ADAMTS20: variants seen among roughly 807,000 people sequenced by gnomAD.
ADAMTS20 encodes ADAM metallopeptidase with thrombospondin type 1 motif 20.
Under a neutral mutation model 260.1 loss-of-function variants are expected in ADAMTS20, and 225 were observed. The ratio of observed to expected loss-of-function variants is 0.87; its 90% CI spans 0.78 to 0.97. ADAMTS20 has a LOEUF of 0.97. ADAMTS20 is among the 50% of genes least tolerant of loss of function. ADAMTS20 has a pLI of 0.00. For missense variants in ADAMTS20, 2,400 were observed against 2,337.7 expected (o/e 1.03, Z -0.55); for synonymous variants, 802 against 769.5 (o/e 1.04, Z -0.70).
chr12:43,482,351 C>T lies in ADAMTS20; in HGVS notation c.1117+8044G>A, dbSNP rs991611307. Among the ~76,000 whole-genome samples the T allele has an allele frequency of 5.9e-5, 9 of 152,112 alleles. No individual in the cohort carries two copies. In the East Asian group the frequency reaches 7.7e-4, roughly 13 times the overall value. The stretch of plus-strand genomic sequence containing the variant: ...CATGGGCAGACAGGAAAGGGTGTGG[C>T]GTGAAAGTCACTCCATCTCCATAGG... On this transcript the variant is annotated intron_variant, in intron 7 of 38. Transcript: ENST00000389420.
intron 2 of ADAMTS20, among the ~76,000 whole-genome samples, chr12:43,543,041 C>T (rs1019960793): frequency 2.0e-5 from 3 of 152,054 alleles, no homozygotes; most frequent in African/African-American, 4.8e-5. Flanking sequence ...GGCTCATGCC[C>T]GTAATCCCAA....
chr12:43,487,551 A>C (rs1942541863), intron 7 of ADAMTS20, among the ~76,000 whole-genome samples: 1 of 151,652 alleles, frequency 6.6e-6, no homozygotes, highest in African/African-American at 2.4e-5. Context: ...ATGTAACCAA[A>C]AACCACTTGT....
At chr12:43,390,460 C>A (rs1940573779) in intron 29 of ADAMTS20, among the ~76,000 whole-genome samples, 1 of 152,140 alleles carries the variant, frequency 6.6e-6, no homozygotes, top group African/African-American at 2.4e-5. Context: ...ACAACTCCAT[C>A]TTTGTATCAT....
At chr12:43,357,433 G>C (rs558802102) in intron 37 of ADAMTS20, among the ~76,000 whole-genome samples, 76 of 152,182 alleles carry the variant, frequency 5.0e-4, no homozygotes, top group African/African-American at 1.6e-3. Flanking sequence ...ATATTATCTT[G>C]TCATAAAAGC....
intron 31 of ADAMTS20, among the ~76,000 whole-genome samples, chr12:43,381,265 G>T (rs772548431): frequency 3.3e-5 from 5 of 151,970 alleles, no homozygotes; most frequent in Non-Finnish European, 7.4e-5. Context: ...AGCCTACAAA[G>T]AAAACATAGA....
chr12:43,390,605 T>C (rs574383508), intron 29 of ADAMTS20, among the ~76,000 whole-genome samples: 69 of 152,344 alleles, frequency 4.5e-4, no homozygotes, highest in Non-Finnish European at 7.8e-4. Context: ...CACTGGAACA[T>C]GAGTACAGTT....
At chr12:43,480,135 T>C (rs1204311970) in intron 7 of ADAMTS20, among the ~76,000 whole-genome samples, 1 of 152,168 alleles carries the variant, frequency 6.6e-6, no homozygotes, top group Admixed American at 6.5e-5. Flanking sequence ...CATAAATGGT[T>C]AACCTTCCGC....
At chr12:43,459,018 G>A (rs1433361132) in intron 11 of ADAMTS20, among the ~76,000 whole-genome samples, 3 of 152,158 alleles carry the variant, frequency 2.0e-5, no homozygotes, top group South Asian at 2.1e-4. Context: ...ACAATGATCC[G>A]GATATAAACC....
intron 4 of ADAMTS20, among the ~76,000 whole-genome samples, chr12:43,493,776 G>A (rs1307887408): frequency 2.0e-5 from 3 of 152,024 alleles, no homozygotes; most frequent in African/African-American, 7.2e-5. Flanking sequence ...CTAATCTTTC[G>A]GCCACAGTTG....
At chr12:43,524,735 C>G (rs1943118511) in intron 3 of ADAMTS20, among the ~76,000 whole-genome samples, 1 of 152,146 alleles carries the variant, frequency 6.6e-6, no homozygotes, top group South Asian at 2.1e-4. Context: ...CTTTCAACAG[C>G]AGACTAGAAC....
At chr12:43,417,797 A>G (rs113187956) in intron 28 of ADAMTS20, among the ~76,000 whole-genome samples, 1 of 152,338 alleles carries the variant, frequency 6.6e-6, no homozygotes, top group African/African-American at 2.4e-5. Context: ...ACATGGGGCT[A>G]TATGTCAGTC....
chr12:43,439,996 A>G lies in ADAMTS20; in HGVS notation c.2364T>C (p.Asn788=). Residue 788 remains asparagine (N), a synonymous_variant, in exon 17 of 39, where the codon AAT becomes AAC. Coordinates refer to ENST00000389420, the MANE Select transcript of ADAMTS20 (RefSeq NM_025003.5). ...FLLSTSKKEI[N]VQGTRTVIEY... ...CAATAACAGTTCTTGTTCCTTGCACATTGATTTCTTTTTTTGACGTACTTA... is the reference window on the plus strand; with the variant it reads ...CAATAACAGTTCTTGTTCCTTGCACGTTGATTTCTTTTTTTGACGTACTTA... 1 of 1,587,106 alleles carries G rather than the reference A, an allele frequency of 6.3e-7. No homozygotes were observed. The highest frequency in any genetic ancestry group is 8.6e-7 in the Non-Finnish European group (1 of 1,164,716).
At chr12:43,398,686 A>G (rs1398337581) in intron 29 of ADAMTS20, among the ~76,000 whole-genome samples, 2 of 152,150 alleles carry the variant, frequency 1.3e-5, no homozygotes, top group Non-Finnish European at 2.9e-5. Flanking sequence ...ATTCAGTAAC[A>G]AAATTTCTTG....
At chr12:43,415,910 A>G (rs1941121136) in intron 28 of ADAMTS20, among the ~76,000 whole-genome samples, 1 of 152,210 alleles carries the variant, frequency 6.6e-6, no homozygotes, top group Admixed American at 6.5e-5. Flanking sequence ...TGGGCCCTTC[A>G]CACTGCAATG....
chr12:43,481,659 G>T (rs1942443694), intron 7 of ADAMTS20, among the ~76,000 whole-genome samples: 1 of 152,142 alleles, frequency 6.6e-6, no homozygotes, highest in Non-Finnish European at 1.5e-5. Context: ...CAAATAATCT[G>T]TTGCATTTCT....
intron 21 of ADAMTS20, 79 bp from the exon 22 acceptor site, chr12:43,431,575 T>G (rs1565695048): frequency 1.3e-6 from 2 of 1,505,028 alleles, no homozygotes; most frequent in East Asian, 2.3e-5. Flanking sequence ...ATGATCAATT[T>G]GCATATAGAA....
At chr12:43,500,718 A>C (rs949082059) in intron 4 of ADAMTS20, among the ~76,000 whole-genome samples, 2 of 150,938 alleles carry the variant, frequency 1.3e-5, no homozygotes, top group Non-Finnish European at 2.9e-5. Flanking sequence ...TATTACTTTT[A>C]TTAATACTTT....
rs370183028 is a variant in ADAMTS20, at chr12:43,377,360, C to T, written c.4995+5G>A. 62 of 1,606,534 alleles carry T rather than the reference C, an allele frequency of 3.9e-5. No homozygotes were observed. Among genetic ancestry groups the T allele is most frequent in the Middle Eastern group, 1.6e-4 (1 of 6,068 alleles). On this transcript the variant is annotated splice_donor_5th_base_variant and intron_variant, in intron 32 of 38. Coordinates refer to ENST00000389420, the MANE Select transcript of ADAMTS20 (RefSeq NM_025003.5). ...AAGTTTTAAAATTCATAATTGTACACCGACCTTGCTCCATTTTCCAACTTT... is the reference window on the plus strand; with the variant it reads ...AAGTTTTAAAATTCATAATTGTACATCGACCTTGCTCCATTTTCCAACTTT...
intron 3 of ADAMTS20, among the ~76,000 whole-genome samples, chr12:43,503,241 C>A (rs1404089556): frequency 6.6e-6 from 1 of 151,796 alleles, no homozygotes; most frequent in Non-Finnish European, 1.5e-5. Context: ...TTTTTCTTGG[C>A]TAATTTTTCT....
Sources: allele counts gnomAD v4.1 joint callset (sites outside exome capture counted in the v4.1 genomes callset), GRCh38; gene constraint gnomAD v4.1.1; transcripts MANE v1.5; gene names NCBI Gene and HGNC (gene_info 2026-07-23, HGNC 2026-07-21).